The following POLR3G variants were observed in gnomAD, a reference collection of about 807,000 sequenced individuals.
The protein encoded by POLR3G is DNA-directed RNA polymerase III subunit RPC7.
Under a neutral mutation model 30.1 loss-of-function variants are expected in POLR3G, and 28 were observed. That is an observed-to-expected ratio of 0.93 (90% CI 0.69 to 1.27). POLR3G has a LOEUF of 1.27. Ranked by LOEUF, POLR3G falls within the 50% of genes most tolerant of loss-of-function variation. The pLI is 0.00. For missense variants in POLR3G, 254 were observed against 264.6 expected (o/e 0.96, Z 0.28); for synonymous variants, 79 against 82.5 (o/e 0.96, Z 0.23).
At chr5:90,500,475 G>A (rs1244089947) in intron 5 of POLR3G, among the ~76,000 whole-genome samples, 1 of 152,104 alleles carries the variant, frequency 6.6e-6, no homozygotes, top group Non-Finnish European at 1.5e-5. Flanking sequence ...ACTTCATGAT[G>A]TAAGTAGAAT....
intron 6 of POLR3G, among the ~76,000 whole-genome samples, chr5:90,504,559 TC>T (rs1752400979): frequency 6.8e-6 from 1 of 147,254 alleles, no homozygotes; most frequent in African/African-American, 2.5e-5. Flanking sequence ...AAGACTCCCA[TC>T]TCAAAAAAAA....
intron 5 of POLR3G, among the ~76,000 whole-genome samples, chr5:90,500,461 A>G (rs1285025670): frequency 6.6e-6 from 1 of 152,196 alleles, no homozygotes; most frequent in Admixed American, 6.5e-5. Context: ...GTTCTTAGAA[A>G]AAGACTTCAT....
intron 5 of POLR3G, among the ~76,000 whole-genome samples, chr5:90,499,785 A>G (rs1385597927): frequency 6.6e-6 from 1 of 152,146 alleles, no homozygotes; most frequent in Non-Finnish European, 1.5e-5. Flanking sequence ...TGTGTATTTA[A>G]GGCAGAGTAT....
chr5:90,475,751 G>T (rs1411209535), intron 1 of POLR3G, among the ~76,000 whole-genome samples: 1 of 152,134 alleles, frequency 6.6e-6, no homozygotes, highest in Non-Finnish European at 1.5e-5. Flanking sequence ...AGTCTCTGTT[G>T]CCCAGTCTGG....
At chr5:90,491,297 C>A (rs980601100) in intron 3 of POLR3G, among the ~76,000 whole-genome samples, 1 of 152,240 alleles carries the variant, frequency 6.6e-6, no homozygotes, top group South Asian at 2.1e-4. Context: ...TATAAGAGAT[C>A]GTCTAGTCTA....
In POLR3G at chr5:90,485,650, C is replaced by G; in HGVS notation, c.83C>G (p.Pro28Arg). 1 of 1,613,854 alleles carries G rather than the reference C, an allele frequency of 6.2e-7. No homozygotes were observed. ...AVGFSKGEKL[P>R]DVVLKPPPLF... is the part of the protein sequence containing the mutation. ...GGATTTAGCAAAGGTGAAAAGTTAC[C>G]TGATGTAGTGTTGAAACCACCCCCA... Residue 28 changes from proline to arginine, a missense_variant, in exon 2 of 8, where the codon CCT becomes CGT. Pro to Arg is a moderately radical substitution (Grantham distance 103). Coordinates refer to ENST00000651687, the MANE Select transcript of POLR3G (RefSeq NM_006467.3).
rs958906266 is a variant in POLR3G at position 90,479,901 on chromosome 5, G to A, written c.-44+4881G>A. On this transcript the variant is annotated intron_variant, in intron 1 of 7. Coordinates refer to ENST00000651687, the MANE Select transcript of POLR3G (RefSeq NM_006467.3). ...AGGAGAGTAGCAGAATCAAAACTGTGCTTTAGGATGAGTAATGTGGATCCA... is the reference window on the plus strand; with the variant it reads ...AGGAGAGTAGCAGAATCAAAACTGTACTTTAGGATGAGTAATGTGGATCCA... Among the ~76,000 whole-genome samples, 6 of 152,128 alleles carry A rather than the reference G, an allele frequency of 3.9e-5. No homozygotes were observed. The East Asian group carries it at 1.2e-3, about 29-fold the overall frequency.
At chr5:90,475,727 G>A (rs1022261309) in intron 1 of POLR3G, among the ~76,000 whole-genome samples, 1 of 152,014 alleles carries the variant, frequency 6.6e-6, no homozygotes, top group Non-Finnish European at 1.5e-5. Flanking sequence ...TTGTTTGTTT[G>A]TTTTTTGAGA....
In POLR3G at chr5:90,513,072, T is replaced by C. The variant is rs1215045265; in HGVS notation, c.*933T>C. The C allele has an allele frequency of 6.6e-6, 1 of 152,180 alleles. No homozygotes were observed. The highest frequency in any genetic ancestry group is 1.9e-4 in the East Asian group (1 of 5,200). The allele number at this position is 152,180 out of a possible 1,614,324, so 9.4% of individuals were successfully genotyped here. A position where few individuals can be genotyped will look rare whatever the true frequency, so the allele number is the denominator to read the frequency against. On this transcript the variant is annotated 3_prime_UTR_variant, in exon 8 of 8. Coordinates refer to ENST00000651687, the MANE Select transcript of POLR3G (RefSeq NM_006467.3). The stretch of plus-strand genomic sequence containing the variant: ...CAGGTCATTTTGAAATTAATATTAA[T>C]ATTTTTGTTGTTTAACTTTAAAGCT...
At chr5:90,493,118 G>A (rs966498308) in intron 3 of POLR3G, among the ~76,000 whole-genome samples, 2 of 152,192 alleles carry the variant, frequency 1.3e-5, no homozygotes, top group Non-Finnish European at 2.9e-5. Context: ...TGTGGCAGCC[G>A]ATGCACAGAA....
chr5:90,490,691 G>A (rs1002845666), intron 3 of POLR3G: 1 of 379,346 alleles, frequency 2.6e-6, no homozygotes, highest in South Asian at 1.9e-5. Flanking sequence ...TTACAGGCAT[G>A]AGCCACCGCA....
At chr5:90,474,634 C>G (rs1056050304), upstream of POLR3G, 1 of 316,822 alleles carries the variant, frequency 3.2e-6, no homozygotes, top group Non-Finnish European at 5.9e-6. Context: ...ACTCAGGTGG[C>G]GACCGTTTCG....
intron 7 of POLR3G, among the ~76,000 whole-genome samples, chr5:90,511,145 A>G (rs928564046): frequency 6.6e-5 from 10 of 152,140 alleles, no homozygotes; most frequent in South Asian, 2.1e-4. Context: ...CCCGTGCCCC[A>G]TGTGCCTTGG....
intron 7 of POLR3G, 78 bp downstream of exon 7, chr5:90,506,752 A>T: frequency 7.0e-7 from 1 of 1,419,686 alleles, no homozygotes; most frequent in Non-Finnish European, 9.3e-7. Flanking sequence ...TATGTATTGA[A>T]ATCAATAAAC....
Position 90,506,537 on chromosome 5 carries a change from A to G in POLR3G, c.448A>G (p.Lys150Glu), listed in dbSNP as rs1176565488. The change falls in exon 7 of 8, where the codon AAA (lysine) becomes GAA (glutamate). Residue 150 changes from lysine to glutamate, a missense_variant. Lys to Glu is a moderately conservative substitution (Grantham distance 56). Transcript: ENST00000651687. ...AACTCACTTATACCAGGAATTGGAA[A>G]AAAGAGGTGATGGTGAAAAATCAGA... ...DVLKKMEELE[K>E]RGDGEKSDEE... The G allele has an allele frequency of 1.2e-6, 2 of 1,612,624 alleles. No individual in the cohort carries two copies. The highest frequency in any genetic ancestry group is 1.7e-6 in the Non-Finnish European group (2 of 1,179,574).
intron 3 of POLR3G, among the ~76,000 whole-genome samples, chr5:90,491,540 T>C (rs544544868): frequency 6.6e-6 from 1 of 152,288 alleles, no homozygotes; most frequent in East Asian, 1.9e-4. Flanking sequence ...CGTTTTTTTT[T>C]TTTGGAGCAG....
chr5:90,504,656 G>A (rs1371858149), intron 6 of POLR3G, among the ~76,000 whole-genome samples: 1 of 152,028 alleles, frequency 6.6e-6, no homozygotes, highest in Non-Finnish European at 1.5e-5. Flanking sequence ...GATATAGTGT[G>A]TACCCTGCAC....
At chr5:90,476,211 T>C (rs533360437) in intron 1 of POLR3G, among the ~76,000 whole-genome samples, 1 of 152,330 alleles carries the variant, frequency 6.6e-6, no homozygotes, top group African/African-American at 2.4e-5. Flanking sequence ...TTGGTGGGCA[T>C]GCAGCTTTTC....
intron 1 of POLR3G, among the ~76,000 whole-genome samples, chr5:90,484,376 G>A (rs1019037309): frequency 7.7e-5 from 10 of 129,636 alleles, no homozygotes; most frequent in East Asian, 4.5e-4. Flanking sequence ...ACTGAGAGCC[G>A]CTTGCTTTGT....
Sources: allele counts gnomAD v4.1 joint callset (sites outside exome capture counted in the v4.1 genomes callset), GRCh38; gene constraint gnomAD v4.1.1; transcripts MANE v1.5; gene names NCBI Gene and HGNC (gene_info 2026-07-23, HGNC 2026-07-21).